Variants in ZFHX3 observed in about 807,000 individuals in gnomAD.
ZFHX3 encodes zinc finger homeobox protein 3.
Under a neutral mutation model 279.1 loss-of-function variants are expected in ZFHX3, and 42 were observed. That is an observed-to-expected ratio of 0.15 (90% confidence interval 0.12 to 0.19). The LOEUF is 0.19. ZFHX3 is among the 10% of genes least tolerant of loss of function. The probability of loss-of-function intolerance (pLI) is 1.00; values close to 1 mark genes in which losing one functional copy is unlikely to be tolerated. For synonymous variants in ZFHX3, 2,293 were observed against 1,957.8 expected, an observed-to-expected ratio of 1.17 and a Z score of -4.52; for missense variants, 4,981 against 4,754.0, an observed-to-expected ratio of 1.05 and a Z score of -1.40.
At chr16:73,231,902 C>T (rs1177483555) in intron 5 of ZFHX3, among the ~76,000 whole-genome samples, 1 of 152,158 alleles carries the variant, frequency 6.6e-6, no homozygotes, top group Non-Finnish European at 1.5e-5. Context: ...CTCTTGCACA[C>T]AACAAAGACT....
chr16:73,804,998 T>C (rs988555057), intron 1 of ZFHX3, among the ~76,000 whole-genome samples: 1 of 146,092 alleles, frequency 6.8e-6, no homozygotes, highest in Non-Finnish European at 1.5e-5. Context: ...CATATATTTA[T>C]TATATGACTA....
At chr16:73,809,907 A>G (rs328317) in intron 1 of ZFHX3, among the ~76,000 whole-genome samples, 10,783 of 152,162 alleles carry the variant, frequency 0.071, 919 homozygotes, top group African/African-American at 0.21. Flanking sequence ...GTGGCCACTT[A>G]CCTATGCTGA....
intron 3 of ZFHX3, among the ~76,000 whole-genome samples, chr16:72,937,656 T>C (rs1392386103): frequency 6.6e-6 from 1 of 152,204 alleles, no homozygotes; most frequent in East Asian, 1.9e-4. Context: ...ACCGCCATGC[T>C]ACACCCCGCA....
chr16:73,714,670 A>G (rs1432615923), intron 1 of ZFHX3, among the ~76,000 whole-genome samples: 3 of 152,184 alleles, frequency 2.0e-5, no homozygotes, highest in Non-Finnish European at 4.4e-5. Flanking sequence ...ATCAGCTAGA[A>G]CATGCTTTCC....
chr16:73,322,490 C>T (rs879858689), intron 3 of ZFHX3, among the ~76,000 whole-genome samples: 37 of 152,194 alleles, frequency 2.4e-4, no homozygotes, highest in African/African-American at 8.2e-4. Context: ...TGTTTAGCTT[C>T]GGGTGTTGCA....
chr16:73,612,955 A>T (rs113898661), intron 2 of ZFHX3, among the ~76,000 whole-genome samples: 1 of 152,188 alleles, frequency 6.6e-6, no homozygotes, highest in Admixed American at 6.5e-5. Flanking sequence ...GCATATTTCA[A>T]TGAAGCTCCA....
At chr16:73,315,296 C>G (rs2015420771) in intron 4 of ZFHX3, among the ~76,000 whole-genome samples, 1 of 152,008 alleles carries the variant, frequency 6.6e-6, no homozygotes, top group African/African-American at 2.4e-5. Flanking sequence ...CTCAGCTTCC[C>G]CTATGTGGTG....
At chr16:73,389,483 T>TA (rs1409311594) in intron 3 of ZFHX3, among the ~76,000 whole-genome samples, 1 of 152,198 alleles carries the variant, frequency 6.6e-6, no homozygotes, top group Non-Finnish European at 1.5e-5. Flanking sequence ...CTGTACCTCT[T>TA]AGAGTCATGG....
intron 4 of ZFHX3, among the ~76,000 whole-genome samples, chr16:72,888,801 T>C (rs969560839): frequency 3.3e-5 from 5 of 151,732 alleles, no homozygotes; most frequent in Admixed American, 3.3e-4. Flanking sequence ...ACAGAGGAAA[T>C]GGGTTGTAGG....
intron 4 of ZFHX3, among the ~76,000 whole-genome samples, chr16:72,876,854 A>G (rs951359836): frequency 3.3e-5 from 5 of 152,134 alleles, no homozygotes; most frequent in Non-Finnish European, 5.9e-5. Flanking sequence ...TTCTTTCCAG[A>G]TATCTATGAT....
intron 1 of ZFHX3, among the ~76,000 whole-genome samples, chr16:73,881,449 A>G (rs1597156469): frequency 9.4e-6 from 1 of 106,466 alleles, no homozygotes; most frequent in Non-Finnish European, 1.8e-5. Flanking sequence ...ACACACACAC[A>G]CACACTCTCT....
intron 7 of ZFHX3, among the ~76,000 whole-genome samples, chr16:73,105,272 TAC>T (rs983798685): frequency 1.3e-5 from 2 of 148,478 alleles, no homozygotes; most frequent in Non-Finnish European, 3.0e-5. Flanking sequence ...CATATATATA[TAC>T]ACACACAGAC....
intron 1 of ZFHX3, among the ~76,000 whole-genome samples, chr16:73,799,117 A>G: frequency 6.6e-6 from 1 of 152,154 alleles, no homozygotes; most frequent in East Asian, 1.9e-4. Flanking sequence ...CAAATGCTGT[A>G]TTACCCTGGA....
At chr16:73,709,914 G>C (rs2053342214) in intron 1 of ZFHX3, among the ~76,000 whole-genome samples, 1 of 152,176 alleles carries the variant, frequency 6.6e-6, no homozygotes, top group African/African-American at 2.4e-5. Context: ...GGGCGTGGTG[G>C]CTCATGCCTG....
At chr16:73,495,924 A>T (rs1476591388) in intron 2 of ZFHX3, among the ~76,000 whole-genome samples, 1 of 152,130 alleles carries the variant, frequency 6.6e-6, no homozygotes, top group African/African-American at 2.4e-5. Context: ...ATTCTTTCCT[A>T]TTGTGGGTTA....
intron 2 of ZFHX3, among the ~76,000 whole-genome samples, chr16:73,575,329 A>G (rs2143813257): frequency 6.6e-6 from 1 of 152,316 alleles, no homozygotes; most frequent in South Asian, 2.1e-4. Flanking sequence ...CTGTGTAAGG[A>G]GTTGCTGGCT....
intron 1 of ZFHX3, among the ~76,000 whole-genome samples, chr16:73,878,630 T>C (rs1430089478): frequency 1.3e-5 from 2 of 152,244 alleles, no homozygotes; most frequent in East Asian, 1.9e-4. Context: ...GTTTCTTTTT[T>C]TTTCTTTTTC....
At chr16:73,742,877 C>T (rs1255189842) in intron 1 of ZFHX3, among the ~76,000 whole-genome samples, 1 of 152,194 alleles carries the variant, frequency 6.6e-6, no homozygotes, top group Non-Finnish European at 1.5e-5. Context: ...TCCAAATGCA[C>T]TTTCAATAAG....
chr16:73,732,157 C>T (rs1403377666), intron 1 of ZFHX3, among the ~76,000 whole-genome samples: 2 of 152,112 alleles, frequency 1.3e-5, no homozygotes, highest in Non-Finnish European at 2.9e-5. Flanking sequence ...AGAATAACCT[C>T]AAGTTTGATA....
Sources: allele counts gnomAD v4.1 joint callset (sites outside exome capture counted in the v4.1 genomes callset), GRCh38; gene constraint gnomAD v4.1.1; transcripts MANE v1.5; gene names NCBI Gene and HGNC (gene_info 2026-07-23, HGNC 2026-07-21).